Variants in DPP10 observed in about 807,000 individuals in gnomAD.
DPP10 encodes dipeptidyl peptidase like 10.
DPP10 carries 33 observed loss-of-function variants against 120.9 expected under a neutral mutation model. That is an observed-to-expected ratio of 0.27 (90% confidence interval 0.21 to 0.37). DPP10 has a LOEUF of 0.37. Among genes scored for constraint, DPP10 ranks in the 10% least tolerant of loss-of-function variants. DPP10 has a pLI of 1.00. For missense variants in DPP10, 816 were observed against 942.8 expected, an observed-to-expected ratio of 0.87 and a Z score of 1.76; for synonymous variants, 337 against 326.1, an observed-to-expected ratio of 1.03 and a Z score of -0.36.
At chr2:115,635,230 C>T (rs2086229056) in intron 5 of DPP10, among the ~76,000 whole-genome samples, 1 of 152,162 alleles carries the variant, frequency 6.6e-6, no homozygotes, top group African/African-American at 2.4e-5. Flanking sequence ...GATGGCCACC[C>T]CTCCCTCTGG....
In DPP10 at chr2:115,091,326, T is replaced by C. The variant is rs116271586; in HGVS notation, c.61-217913T>C. On this transcript the variant is annotated intron_variant, in intron 1 of 25. Transcript: ENST00000410059. ...CATTTTCCACAGAGTCATCACATTG[T>C]CTTTTCAGATTCATTCACTCACTTT... 5.2e-3 allele frequency among the ~76,000 whole-genome samples: 788 copies of C among 152,342 alleles called. 4 individuals carry two copies. Among genetic ancestry groups the C allele is most frequent in the African/African-American group, 0.018 (754 of 41,586 alleles).
At chr2:114,708,162 A>G (rs1168969882) in intron 1 of DPP10, among the ~76,000 whole-genome samples, 1 of 152,184 alleles carries the variant, frequency 6.6e-6, no homozygotes, top group East Asian at 1.9e-4. Context: ...CCTAGAATCC[A>G]TGCTGAGTCA....
intron 1 of DPP10, among the ~76,000 whole-genome samples, chr2:114,581,384 C>A (rs572754567): frequency 6.6e-6 from 1 of 151,852 alleles, no homozygotes; most frequent in Non-Finnish European, 1.5e-5. Context: ...GGAGTGTCAC[C>A]GTGTTAGCCA....
intron 15 of DPP10, among the ~76,000 whole-genome samples, chr2:115,778,344 A>G (rs1682371385): frequency 6.6e-6 from 1 of 152,096 alleles, no homozygotes; most frequent in African/African-American, 2.4e-5. Context: ...TTATTTAAAT[A>G]AGGAACGCTC....
intron 2 of DPP10, among the ~76,000 whole-genome samples, chr2:115,334,445 C>A (rs1252690874): frequency 2.6e-5 from 4 of 151,300 alleles, no homozygotes; most frequent in Non-Finnish European, 5.9e-5. Context: ...TACTAAGTGA[C>A]AAGCTATTAG....
At chr2:114,732,918 T>C (rs1057389390) in intron 1 of DPP10, among the ~76,000 whole-genome samples, 1 of 152,130 alleles carries the variant, frequency 6.6e-6, no homozygotes, top group Non-Finnish European at 1.5e-5. Context: ...GTCACAAAAC[T>C]GGTATGAGTT....
intron 1 of DPP10, among the ~76,000 whole-genome samples, chr2:114,656,203 A>T (rs1284988977): frequency 6.6e-6 from 1 of 152,180 alleles, no homozygotes; most frequent in Non-Finnish European, 1.5e-5. Context: ...TGGCCAAATT[A>T]TCAGATAGAG....
At chr2:115,350,993 A>G (rs2063991190) in intron 3 of DPP10, among the ~76,000 whole-genome samples, 1 of 152,166 alleles carries the variant, frequency 6.6e-6, no homozygotes, top group South Asian at 2.1e-4. Context: ...CAGCAGAACT[A>G]GCATTGGACT....
At chr2:114,837,772 T>G (rs184006924) in intron 1 of DPP10, among the ~76,000 whole-genome samples, 1 of 152,288 alleles carries the variant, frequency 6.6e-6, no homozygotes, top group Non-Finnish European at 1.5e-5. Context: ...TTACCAATGT[T>G]TTGGCTCTTC....
At chr2:115,055,075 T>G (rs899133616) in intron 1 of DPP10, among the ~76,000 whole-genome samples, 8 of 152,208 alleles carry the variant, frequency 5.3e-5, no homozygotes, top group African/African-American at 1.9e-4. Flanking sequence ...AATGCTGTTG[T>G]TTATTTGTAT....
intron 3 of DPP10, among the ~76,000 whole-genome samples, chr2:115,382,536 G>A (rs1160160260): frequency 6.6e-6 from 1 of 152,138 alleles, no homozygotes; most frequent in African/African-American, 2.4e-5. Context: ...TCTCACCCTG[G>A]GAGCTGTAGA....
At chr2:115,230,840 AC>A (rs2105484986) in intron 1 of DPP10, among the ~76,000 whole-genome samples, 1 of 152,186 alleles carries the variant, frequency 6.6e-6, no homozygotes, top group African/African-American at 2.4e-5. Flanking sequence ...GAAAGTAATT[AC>A]AAATTTTTTC....
intron 5 of DPP10, among the ~76,000 whole-genome samples, chr2:115,637,006 C>G (rs1167210914): frequency 6.6e-6 from 1 of 152,084 alleles, no homozygotes; most frequent in Admixed American, 6.5e-5. Context: ...GCTGAAATAG[C>G]TTAAAATTCT....
intron 1 of DPP10, among the ~76,000 whole-genome samples, chr2:114,861,226 C>T (rs1192640076): frequency 6.6e-6 from 1 of 152,166 alleles, no homozygotes; most frequent in Non-Finnish European, 1.5e-5. Flanking sequence ...AGACTGTACC[C>T]CTCCCTTCTT....
chr2:115,386,751 C>A (rs1025278956), intron 3 of DPP10, among the ~76,000 whole-genome samples: 1 of 152,090 alleles, frequency 6.6e-6, no homozygotes, highest in Non-Finnish European at 1.5e-5. Context: ...CTTAAATATG[C>A]TGCTTCTCAA....
chr2:115,554,259 T>C (rs1558840705), intron 5 of DPP10, among the ~76,000 whole-genome samples: 1 of 151,828 alleles, frequency 6.6e-6, no homozygotes, highest in African/African-American at 2.4e-5. Context: ...TGTGTCCTTA[T>C]ACCTGTTTAC....
intron 3 of DPP10, among the ~76,000 whole-genome samples, chr2:115,431,854 T>C (rs2071021249): frequency 6.6e-6 from 1 of 152,140 alleles, no homozygotes; most frequent in East Asian, 1.9e-4. Flanking sequence ...TCATGTGAAC[T>C]ACATTTTGAA....
At chr2:115,535,490 C>G (rs375671850) in intron 5 of DPP10, among the ~76,000 whole-genome samples, 8,554 of 150,930 alleles carry the variant, frequency 0.057, 348 homozygotes, top group Middle Eastern at 0.099. Context: ...TTTGGTACCA[C>G]TACCATGCTG....
intron 3 of DPP10, among the ~76,000 whole-genome samples, chr2:115,444,930 C>A (rs2072430026): frequency 6.6e-6 from 1 of 152,148 alleles, no homozygotes; most frequent in Non-Finnish European, 1.5e-5. Context: ...TCTATGTCCC[C>A]ACCCAAATTT....
Sources: gnomAD v4.1 joint callset for allele counts (sites outside exome capture counted in the v4.1 genomes callset) on GRCh38, gnomAD v4.1.1 for gene constraint, MANE v1.5 for transcripts, NCBI Gene and HGNC (gene_info 2026-07-23, HGNC 2026-07-21) for gene names.